ZAR1: variants seen among roughly 807,000 people sequenced by gnomAD.
ZAR1 encodes the protein zygote arrest protein 1.
Under a neutral mutation model 38.3 loss-of-function variants are expected in ZAR1, and 37 were observed. That is an observed-to-expected ratio of 0.97 (90% CI 0.74 to 1.27). The LOEUF is 1.27. Among genes scored for constraint, ZAR1 ranks in the 50% most tolerant of loss-of-function variants. ZAR1 has a pLI of 0.00. For missense variants in ZAR1, 651 were observed against 632.4 expected (o/e 1.03, Z -0.32); for synonymous variants, 336 against 292.0 (o/e 1.15, Z -1.53).
In ZAR1 at chr4:48,494,088, T is replaced by C. The variant is rs774096543; in HGVS notation, c.1132-13T>C. On this transcript the variant is annotated splice_polypyrimidine_tract_variant and intron_variant, in intron 3 of 3. Coordinates refer to ENST00000327939, the MANE Select transcript of ZAR1 (RefSeq NM_175619.3). ...TTATCTTCTGCATGCCCTTCTGTATTTTTTTCCCCCAGAGTTGTAAACAAA... is the reference window on the plus strand; with the variant it reads ...TTATCTTCTGCATGCCCTTCTGTATCTTTTTCCCCCAGAGTTGTAAACAAA... 1.2e-6 allele frequency: 2 copies of C among 1,609,294 alleles called. No individual in the cohort carries two copies. Among genetic ancestry groups the C allele is most frequent in the South Asian group, 2.2e-5 (2 of 90,946 alleles).
At chr4:48,492,202 A>G (rs1718462361) in intron 1 of ZAR1, among the ~76,000 whole-genome samples, 1 of 152,168 alleles carries the variant, frequency 6.6e-6, no homozygotes, top group Admixed American at 6.5e-5. Flanking sequence ...TGAAAGGCTA[A>G]CTCTAAAAAC....
At chr4:48,494,422 TAA>T (rs1353660968), downstream of ZAR1, 8 of 822,712 alleles carry the variant, frequency 9.7e-6, no homozygotes, top group South Asian at 7.4e-5. Context: ...TCTTTGAAAA[TAA>T]AGTTTCAAGA....
downstream of ZAR1, among the ~76,000 whole-genome samples, chr4:48,494,893 C>T (rs1383060363): frequency 6.6e-6 from 1 of 152,190 alleles, no homozygotes; most frequent in Non-Finnish European, 1.5e-5. Context: ...GGAAAACTAA[C>T]CTGGCTCACT....
At chr4:48,497,241 T>C (rs1275657756), downstream of ZAR1, 3 of 152,150 alleles carry the variant, frequency 2.0e-5, no homozygotes, top group Non-Finnish European at 4.4e-5. Flanking sequence ...AAATTAAGCA[T>C]TGGTATATAT....
chr4:48,494,460 G>A (rs1404024288), downstream of ZAR1: 3 of 574,172 alleles, frequency 5.2e-6, no homozygotes, highest in Non-Finnish European at 8.8e-6. Flanking sequence ...TAACAGTCTG[G>A]GCCTGTCACT....
rs1203811770 is a variant in ZAR1 at position 48,494,205 on chromosome 4, G to T, written c.1236G>T (p.Leu412=). Residue 412 remains leucine, a synonymous_variant, in exon 4 of 4, where the codon CTG becomes CTT. Coordinates refer to ENST00000327939, the MANE Select transcript of ZAR1 (RefSeq NM_175619.3). ...DLCGRCKGKR[L]SCDSTFSFKY... is the part of the protein sequence containing the mutation. ...GCGGTAGATGCAAAGGCAAACGCCTGTCCTGTGACAGCACTTTCAGCTTCA... is the reference window on the plus strand; with the variant it reads ...GCGGTAGATGCAAAGGCAAACGCCTTTCCTGTGACAGCACTTTCAGCTTCA... 4 of 1,614,096 alleles carry T rather than the reference G, an allele frequency of 2.5e-6. No homozygotes were observed. Among genetic ancestry groups the T allele is most frequent in the Non-Finnish European group, 3.4e-6 (4 of 1,180,050 alleles).
chr4:48,493,728 A>G (rs1718508962), intron 3 of ZAR1, among the ~76,000 whole-genome samples: 1 of 152,226 alleles, frequency 6.6e-6, no homozygotes, highest in Non-Finnish European at 1.5e-5. Flanking sequence ...AAAGCCACTT[A>G]GAATCACTTA....
chr4:48,496,297 T>C (rs1718606438), downstream of ZAR1, among the ~76,000 whole-genome samples: 1 of 152,134 alleles, frequency 6.6e-6, no homozygotes, highest in South Asian at 2.1e-4. Context: ...ATGTTCCTGT[T>C]GATTTGGTTG....
downstream of ZAR1, among the ~76,000 whole-genome samples, chr4:48,494,803 T>G (rs1474480629): frequency 5.9e-5 from 9 of 152,124 alleles, no homozygotes; most frequent in Admixed American, 2.6e-4. Context: ...GTAAGAATGC[T>G]GAGTGGCGGT....
Position 48,490,575 on chromosome 4 carries a change from G to A in ZAR1, c.284G>A (p.Gly95Glu). The change falls in exon 1 of 4, where the codon GGG becomes GAG. Residue 95 changes from glycine (G) to glutamate (E), a missense_variant. Physicochemically the swap from Gly to Glu is moderately conservative, Grantham distance 98 (BLOSUM62 -2). This residue lies in a region of ZAR1 where 522 missense variants were observed against 459.9 expected (regional missense o/e 1.14). Transcript: ENST00000327939. The stretch of plus-strand genomic sequence containing the variant: ...CTGGCGCAGGTGGGGCCGGGTCTCG[G>A]GCCGCGCGCCCGCAGGGCCGGCAGC... ...ALLAQVGPGL[G>E]PRARRAGSCD... The A allele has an allele frequency of 2.1e-6, 3 of 1,398,546 alleles. No homozygotes were observed. The highest frequency in any genetic ancestry group is 2.8e-6 in the Non-Finnish European group (3 of 1,086,816). The allele number at this position is 1,398,546 out of a possible 1,614,324, so 86.6% of individuals were successfully genotyped here.
At position 48,493,018 on chromosome 4, in the gene ZAR1, T is replaced by A; in HGVS notation, c.1131+6T>A. The A allele has an allele frequency of 6.2e-7, 1 of 1,614,054 alleles. No individual in the cohort carries two copies. Among genetic ancestry groups the A allele is most frequent in the Non-Finnish European group, 8.5e-7 (1 of 1,179,924 alleles). The stretch of plus-strand genomic sequence containing the variant: ...TGGAGGATATCACCTGTCAAGTAAA[T>A]CAGATGTTTTGCATTTTGTCTGACC... On this transcript the variant is annotated splice_donor_region_variant and intron_variant, in intron 3 of 3. Coordinates refer to ENST00000327939, the MANE Select transcript of ZAR1 (RefSeq NM_175619.3).
In ZAR1 at chr4:48,490,269, C is replaced by CGGCG. The variant is rs1290710441; in HGVS notation, c.-16_-13dup. The CGGCG allele has an allele frequency of 6.7e-7, 1 of 1,485,576 alleles. No homozygotes were observed. The highest frequency in any genetic ancestry group is 8.9e-7 in the Non-Finnish European group (1 of 1,124,810). 92.0% of individuals were successfully genotyped at this position (1,485,576 alleles called of 1,614,324 possible). A position where few individuals can be genotyped will look rare whatever the true frequency, so the allele number is the denominator to read the frequency against. ...GGCAAGTCGCCTATTTAGGGTGCGG[C>CGGCG]GGCGGGCGGGAGCAGTGCGCCCATG... On this transcript the variant is annotated 5_prime_UTR_variant, in exon 1 of 4. Coordinates refer to ENST00000327939, the MANE Select transcript of ZAR1 (RefSeq NM_175619.3).
At chr4:48,494,977 A>C (rs1259371523), downstream of ZAR1, among the ~76,000 whole-genome samples, 1 of 152,132 alleles carries the variant, frequency 6.6e-6, no homozygotes, top group East Asian at 1.9e-4. Context: ...CTTTTAAGAC[A>C]CTGAATAACC....
rs1246633001 is a variant in ZAR1 at position 48,490,980 on chromosome 4, CG to C, written c.690del (p.Lys231ArgfsTer48). 8.8e-6 allele frequency: 12 copies of C among 1,356,886 alleles called. No homozygotes were observed. Among genetic ancestry groups the C allele is most frequent in the Non-Finnish European group, 1.1e-5 (12 of 1,061,090 alleles). 84.1% of individuals were successfully genotyped at this position (1,356,886 alleles called of 1,614,324 possible). ...LQGPEEGEVWTKKAPRRPQSD... is the reference protein window; with the variant it reads ...LQGPEEGEVWXKKAPRRPQSD... ...GGCCCAGAGGAGGGGGAGGTGTGGA[CG>C]AAGAAGGCGCCCCGGCGGCCGCAGT... is the stretch of plus-strand genomic sequence containing the variant. On this transcript the variant is annotated frameshift_variant, in exon 1 of 4. Coordinates refer to ENST00000327939, the MANE Select transcript of ZAR1 (RefSeq NM_175619.3). LOFTEE classifies it high-confidence loss of function.
Position 48,494,317 on chromosome 4 carries a change from C to A in ZAR1, c.*73C>A, listed in dbSNP as rs1184134708. The A allele has an allele frequency of 6.4e-7, 1 of 1,566,856 alleles. No homozygotes were observed. The highest frequency in any genetic ancestry group is 2.3e-5 in the East Asian group (1 of 44,218). On this transcript the variant is annotated 3_prime_UTR_variant, in exon 4 of 4. Coordinates refer to ENST00000327939, the MANE Select transcript of ZAR1 (RefSeq NM_175619.3). ...GCTTTTCCGTGCCTCTCCTCCACCTCTCCCTTCTCAAAATACTTCATGAAA... is the reference window on the plus strand; with the variant it reads ...GCTTTTCCGTGCCTCTCCTCCACCTATCCCTTCTCAAAATACTTCATGAAA...
In ZAR1 at chr4:48,490,711, C is replaced by T. The variant is rs1039392591; in HGVS notation, c.420C>T (p.Pro140=). The change falls in exon 1 of 4, where the codon CCC becomes CCT. Residue 140 remains proline (P), a synonymous_variant. Transcript: ENST00000327939. ...RARDPESPAG[P]GAEGTTGGGS... is the part of the protein sequence containing the mutation. ...GCGACCCCGAGTCCCCGGCCGGCCC[C>T]GGGGCCGAGGGCACCACGGGTGGCG... 5.2e-6 allele frequency: 7 copies of T among 1,336,112 alleles called. No individual in the cohort carries two copies. In the African/African-American group the frequency reaches 7.7e-5, roughly 15 times the overall value. 82.8% of individuals were successfully genotyped at this position (1,336,112 alleles called of 1,614,324 possible). A position where few individuals can be genotyped will look rare whatever the true frequency, so the allele number is the denominator to read the frequency against.
intron 1 of ZAR1, among the ~76,000 whole-genome samples, chr4:48,492,021 TTGG>T (rs1178709590): frequency 1.3e-5 from 2 of 151,828 alleles, no homozygotes; most frequent in Non-Finnish European, 2.9e-5. Flanking sequence ...AGGGGCGGGG[TTGG>T]TGGCGGTAGG....
Position 48,490,746 on chromosome 4 carries a change from C to A in ZAR1, c.455C>A (p.Ser152Tyr), listed in dbSNP as rs748863509. 7.1e-7 allele frequency: 1 copy of A among 1,409,592 alleles called. No homozygotes were observed. Among genetic ancestry groups the A allele is most frequent in the Non-Finnish European group, 9.2e-7 (1 of 1,085,076 alleles). 87.3% of individuals were successfully genotyped at this position (1,409,592 alleles called of 1,614,324 possible). A position where few individuals can be genotyped will look rare whatever the true frequency, so the allele number is the denominator to read the frequency against. ...AEGTTGGGSF[S>Y]QQPSRRGLEQ... ...GGCACCACGGGTGGCGGCTCTTTCT[C>A]CCAGCAGCCATCCCGTCGAGGCCTG... is the stretch of plus-strand genomic sequence containing the variant. Residue 152 changes from serine (S) to tyrosine (Y), a missense_variant, in exon 1 of 4, where the codon TCC (serine) becomes TAC (tyrosine). Ser to Tyr is a moderately radical substitution (Grantham distance 144). This residue lies in a region of ZAR1 where 522 missense variants were observed against 459.9 expected (regional missense o/e 1.14). Coordinates refer to ENST00000327939, the MANE Select transcript of ZAR1 (RefSeq NM_175619.3).
chr4:48,496,112 G>C (rs1358835641), downstream of ZAR1, among the ~76,000 whole-genome samples: 1 of 152,148 alleles, frequency 6.6e-6, no homozygotes, highest in Non-Finnish European at 1.5e-5. Context: ...GGTTTTAAAG[G>C]TATGGTGGGG....
Sources: allele counts gnomAD v4.1 joint callset (sites outside exome capture counted in the v4.1 genomes callset), GRCh38; gene constraint gnomAD v4.1.1; regional missense constraint gnomAD v4.1.1; transcripts MANE v1.5; gene names NCBI Gene and HGNC (gene_info 2026-07-23, HGNC 2026-07-21).